RBFOX1: variants seen among roughly 807,000 people sequenced by gnomAD.
RBFOX1 encodes the protein RNA binding protein fox-1 homolog 1.
Under a neutral mutation model 57.7 loss-of-function variants are expected in RBFOX1, and 8 were observed. That is an observed-to-expected ratio of 0.14 (90% CI 0.08 to 0.25). RBFOX1 has a LOEUF of 0.25. Ranked by LOEUF, RBFOX1 falls within the 10% of genes least tolerant of loss-of-function variation. RBFOX1 has a pLI of 1.00. For synonymous variants in RBFOX1, 326 were observed against 222.4 expected, an observed-to-expected ratio of 1.47 and a Z score of -4.15; for missense variants, 611 against 548.5, an observed-to-expected ratio of 1.11 and a Z score of -1.14.
intron 2 of RBFOX1, among the ~76,000 whole-genome samples, chr16:6,605,817 T>C (rs1464589989): frequency 6.6e-6 from 1 of 152,142 alleles, no homozygotes; most frequent in African/African-American, 2.4e-5. Context: ...ATATGCATCC[T>C]GGCAGGCCAC....
chr16:7,177,767 A>G (rs1186380455), intron 4 of RBFOX1, among the ~76,000 whole-genome samples: 1 of 152,034 alleles, frequency 6.6e-6, no homozygotes, highest in Non-Finnish European at 1.5e-5. Flanking sequence ...CTCCGCTGCA[A>G]CTCCTCAACT....
chr16:5,652,105 G>A (rs2049259857), intron 3 of RBFOX1, among the ~76,000 whole-genome samples: 2 of 152,066 alleles, frequency 1.3e-5, no homozygotes, highest in South Asian at 4.2e-4. Flanking sequence ...CTGCATTCCA[G>A]CCTGGACAAC....
chr16:7,103,761 C>T (rs1425448790), intron 4 of RBFOX1, among the ~76,000 whole-genome samples: 1 of 152,120 alleles, frequency 6.6e-6, no homozygotes, highest in Admixed American at 6.6e-5. Flanking sequence ...AGAATTTGTA[C>T]AGAAAAACCT....
At position 7,486,992 on chromosome 16, in the gene RBFOX1, C is replaced by T. The variant is rs140255921; in HGVS notation, c.28-31155C>T. ...TCGGCTCACTGCAACCTCTGCCTCC[C>T]GGGTTCAAGCAGTTCTCCTGTCTCA... is the stretch of plus-strand genomic sequence containing the variant. On this transcript the variant is annotated intron_variant, in intron 4 of 15. Transcript: ENST00000550418. Among the ~76,000 whole-genome samples, 740 of 152,228 alleles carry T rather than the reference C, an allele frequency of 4.9e-3. 1 individual carries two copies. Among genetic ancestry groups the T allele is most frequent in the Middle Eastern group, 0.01 (3 of 294 alleles).
Position 7,040,016 on chromosome 16 carries a change from T to TATG in RBFOX1, c.-15-12039_-15-12038insGAT, listed in dbSNP as rs559992748. On this transcript the variant is annotated intron_variant, in intron 3 of 15. Transcript: ENST00000550418. ...TGGGGAGTTATTTTATTATTATTATTATTATCATTATTATTATTATTTTGA... is the reference window on the plus strand; with the variant it reads ...TGGGGAGTTATTTTATTATTATTATTATGATTATCATTATTATTATTATTTTGA... Among the ~76,000 whole-genome samples the TATG allele has an allele frequency of 2.8e-5, 4 of 144,628 alleles. No individual in the cohort carries two copies. The South Asian group carries it at 9.0e-4, about 33-fold the overall frequency. The allele number at this position is 144,628 out of a possible 152,430, so 94.9% of individuals were successfully genotyped here.
At chr16:5,509,452 G>T (rs1244785880) in intron 2 of RBFOX1, among the ~76,000 whole-genome samples, 3 of 152,218 alleles carry the variant, frequency 2.0e-5, no homozygotes, top group African/African-American at 2.4e-5. Flanking sequence ...GTTCACAATT[G>T]TGTCTCCAAT....
At chr16:6,024,003 G>C (rs551684579) in intron 1 of RBFOX1, among the ~76,000 whole-genome samples, 3 of 152,288 alleles carry the variant, frequency 2.0e-5, no homozygotes, top group African/African-American at 7.2e-5. Flanking sequence ...CGGTCGTAGG[G>C]CTAGGAGTTT....
intron 4 of RBFOX1, among the ~76,000 whole-genome samples, chr16:5,908,816 T>C (rs1023210872): frequency 6.6e-6 from 1 of 151,916 alleles, no homozygotes; most frequent in African/African-American, 2.4e-5. Flanking sequence ...AGGTGGGGCC[T>C]TTGGGAGTGG....
In RBFOX1 at chr16:7,406,279, T is replaced by G. The variant is rs2098338773; in HGVS notation, c.28-111868T>G. On this transcript the variant is annotated intron_variant, in intron 4 of 15. Coordinates refer to ENST00000550418, the MANE Select transcript of RBFOX1 (RefSeq NM_018723.4). ...TGCCATGGGCCTACTATGTGCCAAA[T>G]ACCTTGTTCATACGGTTTCTAATCC... 1.3e-5 allele frequency among the ~76,000 whole-genome samples: 2 copies of G among 152,178 alleles called. 1 individual carries two copies. Among genetic ancestry groups the G allele is most frequent in the South Asian group, 4.1e-4 (2 of 4,826 alleles).
chr16:5,725,668 G>T (rs2052121949), intron 3 of RBFOX1, among the ~76,000 whole-genome samples: 1 of 151,696 alleles, frequency 6.6e-6, no homozygotes, highest in Admixed American at 6.6e-5. Context: ...AGGAGAATCA[G>T]AGAGGTAACT....
At chr16:7,045,541 G>C (rs2047615980) in intron 3 of RBFOX1, among the ~76,000 whole-genome samples, 1 of 152,228 alleles carries the variant, frequency 6.6e-6, no homozygotes, top group African/African-American at 2.4e-5. Flanking sequence ...GCACAAGTCA[G>C]AGGTCAGTAG....
At chr16:7,496,679 C>G (rs2068747819) in intron 4 of RBFOX1, among the ~76,000 whole-genome samples, 1 of 118,796 alleles carries the variant, frequency 8.4e-6, no homozygotes, top group Non-Finnish European at 1.7e-5. Context: ...ACAATGTAAA[C>G]CTTAACAAAG....
intron 3 of RBFOX1, among the ~76,000 whole-genome samples, chr16:6,809,807 C>A (rs1444820193): frequency 4.6e-5 from 7 of 152,140 alleles, no homozygotes; most frequent in Non-Finnish European, 8.8e-5. Context: ...TGCCAAAAAT[C>A]TTATTCCAAT....
chr16:5,566,684 A>G (rs76554390), intron 2 of RBFOX1, among the ~76,000 whole-genome samples: 370 of 6,650 alleles, frequency 0.056, 4 homozygotes, highest in African/African-American at 0.31. Context: ...ATATATGTGT[A>G]TATATATATA....
chr16:7,362,918 G>C (rs2097357176), intron 4 of RBFOX1, among the ~76,000 whole-genome samples: 1 of 152,122 alleles, frequency 6.6e-6, no homozygotes, highest in East Asian at 1.9e-4. Context: ...TCCTAACTCA[G>C]CTCTGCACTA....
chr16:6,388,371 C>T (rs1457871828), intron 2 of RBFOX1, among the ~76,000 whole-genome samples: 1 of 151,076 alleles, frequency 6.6e-6, no homozygotes, highest in East Asian at 1.9e-4. Context: ...AACTCACACT[C>T]ACAGAAAGTG....
intron 3 of RBFOX1, among the ~76,000 whole-genome samples, chr16:5,852,334 A>T (rs1420088842): frequency 6.6e-6 from 1 of 152,088 alleles, no homozygotes; most frequent in Non-Finnish European, 1.5e-5. Context: ...TGCTCACAGG[A>T]AGGGCCTGTC....
At position 5,977,885 on chromosome 16, in the gene RBFOX1, T is replaced by A. The variant is rs374807276; in HGVS notation, c.351+110550T>A. Among the ~76,000 whole-genome samples, 13 of 152,076 alleles carry A rather than the reference T, an allele frequency of 8.5e-5. No individual in the cohort carries two copies. The East Asian group carries it at 2.5e-3, about 30-fold the overall frequency. ...TCGAAATTTATGAACATCACAGGCT[T>A]AGACAGTTTTTTTGACTGTTCCTTT... is the stretch of plus-strand genomic sequence containing the variant. On this transcript the variant is annotated intron_variant, in intron 4 of 19. Transcript: ENST00000641259.
At chr16:5,365,034 A>G (rs1194434450) in intron 1 of RBFOX1, among the ~76,000 whole-genome samples, 1 of 152,072 alleles carries the variant, frequency 6.6e-6, no homozygotes, top group Non-Finnish European at 1.5e-5. Context: ...AATGCGAAAG[A>G]CTTATTTGAG....
Sources: allele counts gnomAD v4.1 joint callset (sites outside exome capture counted in the v4.1 genomes callset), GRCh38; gene constraint gnomAD v4.1.1; transcripts MANE v1.5; gene names NCBI Gene and HGNC (gene_info 2026-07-23, HGNC 2026-07-21).